MAPKAPK5: variants seen among roughly 807,000 people sequenced by gnomAD.
MAPKAPK5 encodes MAPK activated protein kinase 5, also known as MAP kinase-activated protein kinase 5.
A neutral mutation model predicts 65.1 loss-of-function variants in MAPKAPK5; 30 were observed. The observed-to-expected ratio is 0.46, with a 90% CI of 0.34 to 0.63. The LOEUF is 0.63. Ranked by LOEUF, MAPKAPK5 falls within the 20% of genes least tolerant of loss-of-function variation. The pLI is 0.01. For synonymous variants in MAPKAPK5, 179 were observed against 204.6 expected (o/e 0.87, Z 1.07); for missense variants, 433 against 581.4 (o/e 0.74, Z 2.63).
chr12:111,900,811 A>T lies in MAPKAPK5; in HGVS notation c.*7750A>T, dbSNP rs2071020435. On this transcript the variant is annotated 3_prime_UTR_variant, in exon 14 of 14. Coordinates refer to ENST00000550735, the MANE Select transcript of MAPKAPK5 (RefSeq NM_003668.4). Reference sequence around the variant, plus strand: ...GCATTATGCCCCAACAACAGGCATAAGCAAGATGGCTCAAAATGTCATACA... The same window carrying T: ...GCATTATGCCCCAACAACAGGCATATGCAAGATGGCTCAAAATGTCATACA... The T allele has an allele frequency of 2.2e-6, 1 of 455,962 alleles. No individual in the cohort carries two copies. The highest frequency in any genetic ancestry group is 2.0e-5 in the African/African-American group (1 of 50,090). 28.2% of individuals were successfully genotyped at this position (455,962 alleles called of 1,614,324 possible). A position where few individuals can be genotyped will look rare whatever the true frequency, so the allele number is the denominator to read the frequency against.
chr12:111,859,442 C>T (rs1386024923), intron 1 of MAPKAPK5, among the ~76,000 whole-genome samples: 2 of 151,852 alleles, frequency 1.3e-5, no homozygotes, highest in Non-Finnish European at 1.5e-5. Flanking sequence ...CCACGCCCAG[C>T]TAATTTTTGT....
At chr12:111,857,027 G>C (rs2069263427) in intron 1 of MAPKAPK5, among the ~76,000 whole-genome samples, 2 of 152,064 alleles carry the variant, frequency 1.3e-5, no homozygotes, top group Admixed American at 1.3e-4. Context: ...TCCACTTTGG[G>C]TTAAAATTGA....
In MAPKAPK5 at chr12:111,868,803, A is replaced by C; in HGVS notation, c.335A>C (p.His112Pro). Residue 112 changes from histidine to proline, a missense_variant, in exon 5 of 14, where the codon CAC becomes CCC. His to Pro is a moderately conservative substitution (Grantham distance 77). Around this residue, in one of 3 missense-constraint regions of MAPKAPK5, gnomAD observed 165 missense variants for 180.0 expected, o/e 0.92. Transcript: ENST00000550735. Reference sequence around the variant, plus strand: ...ATGATGGAAGGGGGAGAGCTATTTCACAGAATCAGCCAGCACCGGCACTTT... The same window carrying C: ...ATGATGGAAGGGGGAGAGCTATTTCCCAGAATCAGCCAGCACCGGCACTTT... Reference protein sequence around the residue: ...MEMMEGGELFHRISQHRHFTE... With the variant: ...MEMMEGGELFPRISQHRHFTE... 6.4e-7 allele frequency: 1 copy of C among 1,570,974 alleles called. No individual in the cohort carries two copies. Among genetic ancestry groups the C allele is most frequent in the Non-Finnish European group, 8.6e-7 (1 of 1,158,304 alleles).
At chr12:111,882,394 A>C (rs1051311653) in intron 8 of MAPKAPK5, among the ~76,000 whole-genome samples, 1 of 152,192 alleles carries the variant, frequency 6.6e-6, no homozygotes, top group East Asian at 1.9e-4. Flanking sequence ...AAGAAAATAC[A>C]GGCGAGAGTA....
At chr12:111,845,403 G>A (rs1430240024) in intron 1 of MAPKAPK5, among the ~76,000 whole-genome samples, 15 of 152,050 alleles carry the variant, frequency 9.9e-5, no homozygotes, top group Admixed American at 1.3e-4. Flanking sequence ...TTATCTGTCC[G>A]CCTTGGCCTC....
intron 7 of MAPKAPK5, among the ~76,000 whole-genome samples, chr12:111,871,387 T>C (rs2069778626): frequency 6.6e-6 from 1 of 152,152 alleles, no homozygotes; most frequent in Non-Finnish European, 1.5e-5. Context: ...ACGCCTTTAA[T>C]CCCAGCACTT....
chr12:111,854,928 G>A (rs564627532), intron 1 of MAPKAPK5, among the ~76,000 whole-genome samples: 3 of 151,116 alleles, frequency 2.0e-5, no homozygotes, highest in Non-Finnish European at 2.9e-5. Flanking sequence ...TTCATGGGAA[G>A]ATACTCAGTT....
chr12:111,863,181 A>AT (rs2069499240), intron 1 of MAPKAPK5, among the ~76,000 whole-genome samples: 3 of 152,108 alleles, frequency 2.0e-5, no homozygotes, highest in Admixed American at 2.0e-4. Context: ...AGTGCCCATA[A>AT]CTCACTGTGT....
At chr12:111,871,673 T>C (rs989024445) in intron 7 of MAPKAPK5, among the ~76,000 whole-genome samples, 3 of 152,146 alleles carry the variant, frequency 2.0e-5, no homozygotes, top group African/African-American at 7.2e-5. Context: ...AAATAAACTT[T>C]ATTGAGGTAT....
In MAPKAPK5 at chr12:111,893,033, A is replaced by G; in HGVS notation, c.1388A>G (p.Glu463Gly). 6.3e-7 allele frequency: 1 copy of G among 1,582,548 alleles called. No individual in the cohort carries two copies. The highest frequency in any genetic ancestry group is 8.6e-7 in the Non-Finnish European group (1 of 1,163,652). Reference protein sequence around the residue: ...LAEIVKQVIEEQTTSHESQ With the variant: ...LAEIVKQVIEGQTTSHESQ ...GAAATTGTGAAGCAGGTGATAGAAG[A>G]GCAAACCACGTCCCACGAATCCCAA... The change falls in exon 14 of 14, where the codon GAG becomes GGG. Residue 463 changes from glutamate to glycine, a missense_variant. Transcript: ENST00000550735.
rs552414239 is a variant in MAPKAPK5, at chr12:111,863,584, C to T, written c.37-1666C>T. Among the ~76,000 whole-genome samples the T allele has an allele frequency of 9.2e-5, 14 of 151,526 alleles. No individual in the cohort carries two copies. In the South Asian group the frequency reaches 1.3e-3, roughly 14 times the overall value. ...TCAGATTTTCATTGCAACAAAACAACGTGAAAGTCTTATGGATTTTGATTT... is the reference window on the plus strand; with the variant it reads ...TCAGATTTTCATTGCAACAAAACAATGTGAAAGTCTTATGGATTTTGATTT... On this transcript the variant is annotated intron_variant, in intron 1 of 13. Coordinates refer to ENST00000550735, the MANE Select transcript of MAPKAPK5 (RefSeq NM_003668.4).
At position 111,866,134 on chromosome 12, in the gene MAPKAPK5, G is replaced by T. The variant is rs533518295; in HGVS notation, c.111-22G>T. 6 of 1,556,446 alleles carry T rather than the reference G, an allele frequency of 3.9e-6. No homozygotes were observed. The South Asian group carries it at 7.1e-5, about 18-fold the overall frequency. ...ATTCTAACATATATGATCTCTGATT[G>T]ATTTTTTTTCTCCAAATCTAGAGTC... On this transcript the variant is annotated intron_variant, in intron 2 of 13. Transcript: ENST00000550735.
chr12:111,863,956 G>C (rs11066051), intron 1 of MAPKAPK5, among the ~76,000 whole-genome samples: 40,598 of 151,834 alleles, frequency 0.27, 7,071 homozygotes, highest in East Asian at 0.85. Flanking sequence ...ACCTGTGGAA[G>C]CCTGCAAAAA....
Position 111,890,163 on chromosome 12 carries a change from T to A in MAPKAPK5, c.1321+19T>A. 6.6e-7 allele frequency: 1 copy of A among 1,507,562 alleles called. No homozygotes were observed. The allele number at this position is 1,507,562 out of a possible 1,614,324, so 93.4% of individuals were successfully genotyped here. A position where few individuals can be genotyped will look rare whatever the true frequency, so the allele number is the denominator to read the frequency against. On this transcript the variant is annotated intron_variant, in intron 13 of 13. Transcript: ENST00000550735. ...TGGAATGGTAGGAGCCTTCATCAACTCCCTTCCCCAGGAATGCAGACAAGT... is the reference window on the plus strand; with the variant it reads ...TGGAATGGTAGGAGCCTTCATCAACACCCTTCCCCAGGAATGCAGACAAGT...
chr12:111,856,252 A>T (rs2136084033), intron 1 of MAPKAPK5, among the ~76,000 whole-genome samples: 1 of 152,044 alleles, frequency 6.6e-6, no homozygotes, highest in African/African-American at 2.4e-5. Flanking sequence ...CATATAATTT[A>T]TTTTCAATTC....
chr12:111,864,321 C>T (rs1287448200), intron 1 of MAPKAPK5, among the ~76,000 whole-genome samples: 1 of 152,018 alleles, frequency 6.6e-6, no homozygotes, highest in Non-Finnish European at 1.5e-5. Flanking sequence ...CTGCCTCAGC[C>T]TCCCGAGTAG....
rs778886503 is a variant in MAPKAPK5 at position 111,901,333 on chromosome 12, CT to C, written c.*8273del. The C allele has an allele frequency of 4.1e-4, 186 of 456,010 alleles. 3 individuals are homozygous for C. Among genetic ancestry groups the C allele is most frequent in the South Asian group, 2.1e-3 (136 of 64,564 alleles). 28.2% of individuals were successfully genotyped at this position (456,010 alleles called of 1,614,324 possible). The stretch of plus-strand genomic sequence containing the variant: ...CACTGTAATGAAGGGCATGCCCCCC[CT>C]GACTGTGTTACTGCAGGAAGTGGAG... On this transcript the variant is annotated 3_prime_UTR_variant, in exon 14 of 14. Coordinates refer to ENST00000550735, the MANE Select transcript of MAPKAPK5 (RefSeq NM_003668.4).
At position 111,883,336 on chromosome 12, in the gene MAPKAPK5, C is replaced by T. The variant is rs769331695; in HGVS notation, c.661-245C>T. On this transcript the variant is annotated intron_variant, in intron 8 of 13. Transcript: ENST00000550735. This position sits in a 1 kb window ranked among gnomAD's most constrained non-coding sequence, Gnocchi z 4.8. ...CGGAGGTTGCAGTGAGCTGAGATTA[C>T]GCCACTGCACTCCAGCCTGGGCAAC... 2.1e-4 allele frequency among the ~76,000 whole-genome samples: 32 copies of T among 151,840 alleles called. No individual in the cohort carries two copies. The highest frequency in any genetic ancestry group is 3.7e-4 in the Non-Finnish European group (25 of 67,974).
chr12:111,844,451 A>C (rs1169037422), intron 1 of MAPKAPK5, among the ~76,000 whole-genome samples: 1 of 152,182 alleles, frequency 6.6e-6, no homozygotes, highest in East Asian at 1.9e-4. Flanking sequence ...TCGGCCTCCC[A>C]AAGTTCTGAG....
Sources: gnomAD v4.1 joint callset for allele counts (sites outside exome capture counted in the v4.1 genomes callset) on GRCh38, gnomAD v4.1.1 for gene constraint, gnomAD v4.1.1 regional missense constraint, Gnocchi (gnomAD v3.1) non-coding constraint, MANE v1.5 for transcripts, NCBI Gene and HGNC (gene_info 2026-07-23, HGNC 2026-07-21) for gene names.